SSH2: variants seen among roughly 807,000 people sequenced by gnomAD.
SSH2 encodes slingshot protein phosphatase 2.
SSH2 carries 37 observed loss-of-function variants against 135.2 expected under a neutral mutation model. The observed-to-expected ratio is 0.27, with a 90% CI of 0.21 to 0.36. The LOEUF (loss-of-function observed/expected upper bound fraction) is 0.36. Among genes scored for constraint, SSH2 ranks in the 10% least tolerant of loss-of-function variants. The pLI, the probability that SSH2 is intolerant of heterozygous loss-of-function variation, is 1.00. For missense variants in SSH2, 1,408 were observed against 1,765.3 expected, an observed-to-expected ratio of 0.80 and a Z score of 3.63; for synonymous variants, 628 against 646.2, an observed-to-expected ratio of 0.97 and a Z score of 0.43.
chr17:29,788,292 A>G (rs1354869048), intron 3 of SSH2, among the ~76,000 whole-genome samples: 1 of 152,104 alleles, frequency 6.6e-6, no homozygotes, highest in African/African-American at 2.4e-5. Context: ...GGTAGTCCTC[A>G]CTCAATCTAT....
In SSH2 at chr17:29,678,114, G is replaced by A. The variant is rs185349066; in HGVS notation, c.480-373C>T. Among the ~76,000 whole-genome samples the A allele has an allele frequency of 8.1e-3, 1,144 of 140,940 alleles. 11 individuals are homozygous for A. Among genetic ancestry groups the A allele is most frequent in the African/African-American group, 0.025 (947 of 37,690 alleles). The allele number at this position is 140,940 out of a possible 152,430, so 92.5% of individuals were successfully genotyped here. On this transcript the variant is annotated intron_variant, in intron 6 of 15. Transcript: ENST00000540801. ...AAGGATTTTTTTTTTTTTTTTTTGA[G>A]ATGGAGTCTTACTCTGTTGCCCAGG...
At chr17:29,791,551 T>G (rs771992228) in intron 3 of SSH2, among the ~76,000 whole-genome samples, 2 of 152,222 alleles carry the variant, frequency 1.3e-5, no homozygotes, top group African/African-American at 2.4e-5. Flanking sequence ...AATGCTGGTT[T>G]ATTCTGTGGT....
At chr17:29,721,055 CA>C (rs1360719663) in intron 3 of SSH2, among the ~76,000 whole-genome samples, 1 of 152,142 alleles carries the variant, frequency 6.6e-6, no homozygotes, top group African/African-American at 2.4e-5. Context: ...TCACTAAATG[CA>C]CATTTTAAAG....
chr17:29,650,585 C>A, intron 13 of SSH2, 69 bp downstream of exon 13: 1 of 1,476,104 alleles, frequency 6.8e-7, no homozygotes, highest in South Asian at 1.4e-5. Flanking sequence ...CTATAGCCCT[C>A]AGGACCCAGC....
chr17:29,748,234 A>C (rs1210646197), intron 3 of SSH2, among the ~76,000 whole-genome samples: 5 of 152,042 alleles, frequency 3.3e-5, no homozygotes. Flanking sequence ...TTAAACAATC[A>C]CAAGGGTGGA....
intron 5 of SSH2, among the ~76,000 whole-genome samples, chr17:29,691,627 A>C (rs1315014033): frequency 1.3e-5 from 2 of 151,644 alleles, no homozygotes. Flanking sequence ...AGTAGCTGGG[A>C]CTACAGGCAC....
intron 1 of SSH2, among the ~76,000 whole-genome samples, chr17:29,910,519 A>G (rs1183753655): frequency 6.6e-6 from 1 of 152,236 alleles, no homozygotes; most frequent in African/African-American, 2.4e-5. Flanking sequence ...TACAAAGATT[A>G]TATCATTATA....
rs144478766 is a variant in SSH2, at chr17:29,861,068, T to C, written c.64-12139A>G. On this transcript the variant is annotated intron_variant, in intron 1 of 15. Transcript: ENST00000540801. ...CCCTTTGGCCCACTTTTAAATGGAG[T>C]TTTTTGTTTTTTTTTCTTGTATATC... Among the ~76,000 whole-genome samples, 12 of 151,864 alleles carry C rather than the reference T, an allele frequency of 7.9e-5. No homozygotes were observed. In the East Asian group the frequency reaches 2.3e-3, roughly 29 times the overall value.
At chr17:29,913,358 A>AT (rs2066818383) in intron 1 of SSH2, among the ~76,000 whole-genome samples, 3 of 80,250 alleles carry the variant, frequency 3.7e-5, no homozygotes, top group African/African-American at 1.0e-4. Flanking sequence ...ATATATATAT[A>AT]TATATATATA....
intron 2 of SSH2, among the ~76,000 whole-genome samples, chr17:29,826,423 G>A (rs1395385153): frequency 6.6e-6 from 1 of 152,114 alleles, no homozygotes; most frequent in Admixed American, 6.5e-5. Context: ...AAATGCAAAC[G>A]ATGACTACAA....
intron 3 of SSH2, among the ~76,000 whole-genome samples, chr17:29,754,623 CT>C (rs935899480): frequency 3.9e-5 from 6 of 152,132 alleles, no homozygotes; most frequent in African/African-American, 1.4e-4. Context: ...CAAGACAAGA[CT>C]TTTTTGATCA....
chr17:29,764,358 C>T (rs1444759069), intron 3 of SSH2, among the ~76,000 whole-genome samples: 1 of 152,190 alleles, frequency 6.6e-6, no homozygotes, highest in Non-Finnish European at 1.5e-5. Context: ...TGAGCAAATT[C>T]CTTTTCTTTG....
chr17:29,648,200 C>T lies in SSH2; in HGVS notation c.1371G>A (p.Lys457=). 4 of 1,614,106 alleles carry T rather than the reference C, an allele frequency of 2.5e-6. No individual in the cohort carries two copies. The highest frequency in any genetic ancestry group is 3.4e-6 in the Non-Finnish European group (4 of 1,180,032). Reference sequence around the variant, plus strand: ...GTTGTCTCATGAAGCTTGGGTTGGGCTTGGTTACCGTTCGTCTTTCTTTCA... The same window carrying T: ...GTTGTCTCATGAAGCTTGGGTTGGGTTTGGTTACCGTTCGTCTTTCTTTCA... The part of the protein sequence containing the change: ...DYVKERRTVT[K]PNPSFMRQLE... Residue 457 remains lysine, a synonymous_variant, in exon 14 of 16, where the codon AAG becomes AAA. Transcript: ENST00000540801.
chr17:29,883,305 T>G (rs1316713591), intron 1 of SSH2, among the ~76,000 whole-genome samples: 1 of 152,184 alleles, frequency 6.6e-6, no homozygotes, highest in East Asian at 1.9e-4. Flanking sequence ...TCACACATTT[T>G]CCAAATCCTA....
At chr17:29,698,627 C>CT (rs1438355131) in intron 4 of SSH2, among the ~76,000 whole-genome samples, 7 of 151,978 alleles carry the variant, frequency 4.6e-5, no homozygotes, top group African/African-American at 1.7e-4. Flanking sequence ...CCAGGACTAA[C>CT]TACCCTAGGT....
chr17:29,905,187 A>G (rs1355940427), intron 1 of SSH2, among the ~76,000 whole-genome samples: 1 of 152,176 alleles, frequency 6.6e-6, no homozygotes, highest in Admixed American at 6.6e-5. Context: ...AATAGCCAAG[A>G]CAATCCCAAG....
rs532272319 is a variant in SSH2, at chr17:29,732,189, C to T, written c.189-29127G>A. 9.8e-5 allele frequency among the ~76,000 whole-genome samples: 15 copies of T among 152,312 alleles called. No individual in the cohort carries two copies. In the South Asian group the frequency reaches 2.3e-3, roughly 23 times the overall value. The stretch of plus-strand genomic sequence containing the variant: ...ATTTGTAAAACTAAATTAATGATAT[C>T]TACCTTGTCTCACATACTTGGGGAT... On this transcript the variant is annotated intron_variant, in intron 3 of 15. Coordinates refer to ENST00000540801, the MANE Select transcript of SSH2 (RefSeq NM_001282129.2).
At chr17:29,860,580 T>C (rs915024675) in intron 1 of SSH2, among the ~76,000 whole-genome samples, 2 of 151,400 alleles carry the variant, frequency 1.3e-5, no homozygotes, top group Non-Finnish European at 2.9e-5. Flanking sequence ...TACAGGAGGG[T>C]CCCACCATGC....
At chr17:29,825,230 G>A (rs947559456) in intron 2 of SSH2, among the ~76,000 whole-genome samples, 2 of 152,176 alleles carry the variant, frequency 1.3e-5, no homozygotes, top group Non-Finnish European at 2.9e-5. Flanking sequence ...AGGAGAGGAA[G>A]AGAAATGTTT....
Sources: gnomAD v4.1 joint callset for allele counts (sites outside exome capture counted in the v4.1 genomes callset) on GRCh38, gnomAD v4.1.1 for gene constraint, MANE v1.5 for transcripts, NCBI Gene and HGNC (gene_info 2026-07-23, HGNC 2026-07-21) for gene names.